Variants in INO80 observed in about 807,000 individuals in gnomAD.
INO80 encodes the protein INO80 complex ATPase subunit, also known as chromatin-remodeling ATPase INO80.
In INO80, 20 loss-of-function variants were observed where a neutral mutation model predicts 203.4. That is an observed-to-expected ratio of 0.10 (90% CI 0.07 to 0.14). The LOEUF is 0.14. Among genes scored for constraint, INO80 ranks in the 10% least tolerant of loss-of-function variants. The probability of loss-of-function intolerance (pLI) is 1.00; values close to 1 mark genes in which losing one functional copy is unlikely to be tolerated. For synonymous variants in INO80, 726 were observed against 685.2 expected (o/e 1.06, Z -0.93); for missense variants, 1,419 against 1,914.4 (o/e 0.74, Z 4.83).
intron 25 of INO80, among the ~76,000 whole-genome samples, chr15:41,026,277 G>A (rs192044390): frequency 2.0e-3 from 312 of 152,308 alleles, no homozygotes; most frequent in African/African-American, 7.0e-3. Context: ...AACAGGCTGG[G>A]CACGGTGGCT....
chr15:41,009,020 T>G (rs1262932941), intron 27 of INO80, among the ~76,000 whole-genome samples: 1 of 152,036 alleles, frequency 6.6e-6, no homozygotes, highest in African/African-American at 2.4e-5. Context: ...TTAGTGGAGA[T>G]GGGGTTTCAC....
At chr15:41,064,475 G>A (rs1291620708) in intron 14 of INO80, among the ~76,000 whole-genome samples, 1 of 152,070 alleles carries the variant, frequency 6.6e-6, no homozygotes, top group Admixed American at 6.6e-5. Context: ...GAACTCCAGG[G>A]CTCAAGTGAT....
chr15:41,053,350 C>A (rs891102453), intron 19 of INO80, among the ~76,000 whole-genome samples: 1 of 152,138 alleles, frequency 6.6e-6, no homozygotes, highest in African/African-American at 2.4e-5. Context: ...CATGATCCGC[C>A]CACCTCAGCC....
chr15:41,000,046 T>C (rs1008391834), intron 28 of INO80, among the ~76,000 whole-genome samples: 1 of 152,134 alleles, frequency 6.6e-6, no homozygotes, highest in African/African-American at 2.4e-5. Context: ...CAGTGAGCTA[T>C]ATATCATACC....
At chr15:41,106,335 G>A (rs140157492) in intron 1 of INO80, among the ~76,000 whole-genome samples, 1 of 140,598 alleles carries the variant, frequency 7.1e-6, no homozygotes. Flanking sequence ...TGCGGGCTGA[G>A]ATCATGCCAC....
intron 27 of INO80, 83 bp downstream of exon 27, chr15:41,016,005 C>A: frequency 1.8e-6 from 2 of 1,089,084 alleles, no homozygotes; most frequent in South Asian, 1.6e-5. Context: ...TCCCATTAAG[C>A]AGGACTAACA....
At chr15:41,025,612 G>A (rs2044364186) in intron 25 of INO80, among the ~76,000 whole-genome samples, 1 of 152,126 alleles carries the variant, frequency 6.6e-6, no homozygotes, top group Non-Finnish European at 1.5e-5. Context: ...CTACCTGGGG[G>A]GCTGAGGCAC....
At chr15:41,003,263 T>G (rs755151059) in intron 28 of INO80, among the ~76,000 whole-genome samples, 1 of 151,380 alleles carries the variant, frequency 6.6e-6, no homozygotes, top group Non-Finnish European at 1.5e-5. Flanking sequence ...ACCCTATACA[T>G]ACATTAAAGA....
intron 1 of INO80, among the ~76,000 whole-genome samples, chr15:41,112,193 C>G (rs890755220): frequency 6.6e-6 from 1 of 152,130 alleles, no homozygotes; most frequent in Non-Finnish European, 1.5e-5. Flanking sequence ...GAAACCACTA[C>G]GCCTGGCCAA....
rs1415972777 is a variant in INO80, at chr15:40,983,100, AG to A, written c.4238-24del. ...TTCCTGTGGGAACAAATGGGCCAAA[AG>A]GGAAAGAAAAAAAAAAAAAGTCAAT... On this transcript the variant is annotated intron_variant, in intron 34 of 35. Transcript: ENST00000648947. The A allele has an allele frequency of 5.1e-6, 8 of 1,572,508 alleles. No individual in the cohort carries two copies. The Admixed American group carries it at 5.3e-5, about 10-fold the overall frequency.
chr15:40,997,249 GC>G (rs775133505), intron 29 of INO80, among the ~76,000 whole-genome samples: 22 of 152,256 alleles, frequency 1.4e-4, no homozygotes, highest in Admixed American at 8.5e-4. Context: ...CTGCACTCCA[GC>G]CTGGGCAACA....
intron 14 of INO80, among the ~76,000 whole-genome samples, chr15:41,066,801 T>G (rs972221621): frequency 7.4e-6 from 1 of 135,466 alleles, no homozygotes; most frequent in Non-Finnish European, 1.5e-5. Flanking sequence ...GCACTCCACC[T>G]TGGGAGACAG....
At chr15:41,110,134 A>G (rs2045938136) in intron 1 of INO80, among the ~76,000 whole-genome samples, 2 of 151,470 alleles carry the variant, frequency 1.3e-5, no homozygotes, top group Admixed American at 1.3e-4. Context: ...AAATGAATAT[A>G]TTTGGCTTTC....
At chr15:41,027,220 A>G (rs1050614074) in intron 25 of INO80, among the ~76,000 whole-genome samples, 7 of 152,060 alleles carry the variant, frequency 4.6e-5, no homozygotes, top group Non-Finnish European at 8.8e-5. Context: ...ATCCTTACCA[A>G]TCTGACGCCC....
At chr15:41,052,852 C>A (rs1411270174) in intron 19 of INO80, among the ~76,000 whole-genome samples, 2 of 105,382 alleles carry the variant, frequency 1.9e-5, no homozygotes, top group Non-Finnish European at 3.6e-5. Flanking sequence ...CAAAACTGGT[C>A]GCTACAAAAA....
intron 8 of INO80, among the ~76,000 whole-genome samples, chr15:41,080,371 T>G (rs916349057): frequency 6.6e-6 from 1 of 152,150 alleles, no homozygotes; most frequent in Non-Finnish European, 1.5e-5. Context: ...TAACATGGCC[T>G]AATCTGATCC....
At chr15:41,062,533 C>CA (rs1437145326) in intron 14 of INO80, among the ~76,000 whole-genome samples, 12 of 151,348 alleles carry the variant, frequency 7.9e-5, no homozygotes, top group African/African-American at 2.4e-4. Flanking sequence ...ACTCTGTCTC[C>CA]AAAAAAAACC....
At chr15:41,004,225 T>C (rs974494407) in intron 28 of INO80, among the ~76,000 whole-genome samples, 4 of 152,200 alleles carry the variant, frequency 2.6e-5, no homozygotes, top group African/African-American at 9.7e-5. Context: ...ATCTTCTCCT[T>C]ATTGTTGGTC....
At chr15:41,005,380 A>G (rs2140438623) in intron 28 of INO80, 1 of 448,010 alleles carries the variant, frequency 2.2e-6, no homozygotes, top group South Asian at 4.3e-5. Flanking sequence ...CTTCAAACAT[A>G]CAAACTATCA....
Sources: allele counts gnomAD v4.1 joint callset (sites outside exome capture counted in the v4.1 genomes callset), GRCh38; gene constraint gnomAD v4.1.1; transcripts MANE v1.5; gene names NCBI Gene and HGNC (gene_info 2026-07-23, HGNC 2026-07-21).